Variants in ASXL3 observed in about 807,000 individuals in gnomAD.
ASXL3 encodes the protein ASXL transcriptional regulator 3.
A neutral mutation model predicts 170.6 loss-of-function variants in ASXL3; 34 were observed. That is an observed-to-expected ratio of 0.20 (90% CI 0.15 to 0.27). The LOEUF (loss-of-function observed/expected upper bound fraction) is 0.27, where lower values mean the gene tolerates loss of function less well. Among genes scored for constraint, ASXL3 ranks in the 10% least tolerant of loss-of-function variants. The pLI, the probability that ASXL3 is intolerant of heterozygous loss-of-function variation, is 1.00. For missense variants in ASXL3, 2,592 were observed against 2,695.3 expected, an observed-to-expected ratio of 0.96 and a Z score of 0.85; for synonymous variants, 1,002 against 989.1, an observed-to-expected ratio of 1.01 and a Z score of -0.24.
intron 2 of ASXL3, among the ~76,000 whole-genome samples, chr18:33,619,293 G>A (rs1173957443): frequency 6.6e-6 from 1 of 151,950 alleles, no homozygotes; most frequent in Non-Finnish European, 1.5e-5. Context: ...AGATTCTATC[G>A]AGTAAACACT....
intron 11 of ASXL3, among the ~76,000 whole-genome samples, chr18:33,741,198 A>G (rs1424401698): frequency 1.3e-5 from 2 of 152,176 alleles, no homozygotes; most frequent in Non-Finnish European, 2.9e-5. Flanking sequence ...AATAATATAA[A>G]CTTTCCATAG....
At chr18:33,728,914 G>C (rs746622062) in intron 8 of ASXL3, among the ~76,000 whole-genome samples, 1 of 152,076 alleles carries the variant, frequency 6.6e-6, no homozygotes, top group Non-Finnish European at 1.5e-5. Flanking sequence ...CTAGAGTGGT[G>C]CTTCACAACT....
In ASXL3 at chr18:33,745,070, C is replaced by T. The variant is rs2067753513; in HGVS notation, c.5222C>T (p.Ser1741Phe). 1 of 1,613,884 alleles carries T rather than the reference C, an allele frequency of 6.2e-7. No homozygotes were observed. The highest frequency in any genetic ancestry group is 1.3e-5 in the African/African-American group (1 of 74,926). Reference protein sequence around the residue: ...PGAGSSGCRLSSVEANNPLVT... With the variant: ...PGAGSSGCRLFSVEANNPLVT... ...GCAGGGAGCTCAGGCTGTCGTCTGT[C>T]CTCTGTGGAGGCTAACAATCCGCTG... The change falls in exon 12 of 12, where the codon TCC becomes TTC. Residue 1741 changes from serine (S) to phenylalanine (F), a missense_variant. Transcript: ENST00000269197.
chr18:33,686,473 A>G (rs979385701), intron 8 of ASXL3, among the ~76,000 whole-genome samples: 2 of 152,222 alleles, frequency 1.3e-5, no homozygotes, highest in Non-Finnish European at 2.9e-5. Context: ...ATCTGAATGT[A>G]GTATTGGAGA....
intron 6 of ASXL3, among the ~76,000 whole-genome samples, chr18:33,671,312 G>A (rs1941697): frequency 0.48 from 72,650 of 151,824 alleles, 17,810 homozygotes; most frequent in East Asian, 0.8. Context: ...TATTTATTGT[G>A]GATTAACGTT....
At chr18:33,693,795 T>G (rs1016792253) in intron 8 of ASXL3, among the ~76,000 whole-genome samples, 2 of 152,160 alleles carry the variant, frequency 1.3e-5, no homozygotes, top group African/African-American at 4.8e-5. Context: ...AGTCAGAGAT[T>G]TACAAAGGCT....
chr18:33,745,231 A>G lies in ASXL3; in HGVS notation c.5383A>G (p.Asn1795Asp). The G allele has an allele frequency of 1.9e-6, 3 of 1,614,008 alleles. No individual in the cohort carries two copies. The highest frequency in any genetic ancestry group is 2.5e-6 in the Non-Finnish European group (3 of 1,179,884). Residue 1795 changes from asparagine to aspartate, a missense_variant, in exon 12 of 12, where the codon AAC becomes GAC. Physicochemically the swap from Asn to Asp is conservative, Grantham distance 23 (BLOSUM62 1). Around this residue, in one of 4 missense-constraint regions of ASXL3, gnomAD observed 2,246 missense variants for 2,219.6 expected, o/e 1.01. Coordinates refer to ENST00000269197, the MANE Select transcript of ASXL3 (RefSeq NM_030632.3). ...AGTGGGTAAAACAGCACCAGAGAGA[A>G]ACGTTGAAATTCCGCCCAGCTCTCC... The part of the protein sequence containing the change: ...TSVGKTAPER[N>D]VEIPPSSPNP...
rs1278577171 is a variant in ASXL3 at position 33,578,423 on chromosome 18, C to T, written c.-209C>T. 3 of 100,136 alleles carry T rather than the reference C, an allele frequency of 3.0e-5. No homozygotes were observed. The highest frequency in any genetic ancestry group is 3.8e-5 in the African/African-American group (1 of 26,110). The allele number at this position is 100,136 out of a possible 1,614,324, so 6.2% of individuals were successfully genotyped here. ...CGCCGCCGCCGTCGCGCGCCCCCAC[C>T]CACTCCACCCCACCCCCTCGCTCCA... On this transcript the variant is annotated 5_prime_UTR_variant, in exon 1 of 12. Transcript: ENST00000269197.
intron 1 of ASXL3, among the ~76,000 whole-genome samples, chr18:33,579,997 A>T (rs1240200993): frequency 1.3e-5 from 2 of 152,240 alleles, no homozygotes; most frequent in Non-Finnish European, 2.9e-5. Context: ...TCTGGATTCT[A>T]GCAAAGGGTT....
In ASXL3 at chr18:33,739,680, C is replaced by A. The variant is rs1201376117; in HGVS notation, c.2276C>A (p.Ser759Tyr). Residue 759 changes from serine (S) to tyrosine (Y), a missense_variant, in exon 11 of 12, where the codon TCC (serine) becomes TAC (tyrosine). Ser to Tyr is a moderately radical substitution (Grantham distance 144). Coordinates refer to ENST00000269197, the MANE Select transcript of ASXL3 (RefSeq NM_030632.3). The stretch of plus-strand genomic sequence containing the variant: ...GAAACATCTCCAATTTCCAACTCTT[C>A]CATAAATGAGAGAATGGCACATCAG... The part of the protein sequence containing the change: ...PSETSPISNS[S>Y]INERMAHQQR... 1.2e-6 allele frequency: 2 copies of A among 1,613,932 alleles called. No homozygotes were observed. The highest frequency in any genetic ancestry group is 2.2e-5 in the South Asian group (2 of 91,078).
intron 1 of ASXL3, among the ~76,000 whole-genome samples, chr18:33,603,807 A>G (rs1465114181): frequency 6.6e-6 from 1 of 152,130 alleles, no homozygotes; most frequent in Non-Finnish European, 1.5e-5. Context: ...GAGTGAAGTA[A>G]GATCACAAAT....
rs75995867 is a variant in ASXL3 at position 33,691,363 on chromosome 18, C to G, written c.879+7795C>G. ...CTCTGTGGTGTTGCAGCCCCTAGGC[C>G]ATACCTTTTTAAGTCATCACTTTAC... On this transcript the variant is annotated intron_variant, in intron 8 of 11. Coordinates refer to ENST00000269197, the MANE Select transcript of ASXL3 (RefSeq NM_030632.3). Among the ~76,000 whole-genome samples, 455 of 152,212 alleles carry G rather than the reference C, an allele frequency of 3.0e-3. 3 individuals carry two copies. The highest frequency in any genetic ancestry group is 0.011 in the African/African-American group (440 of 41,528).
At chr18:33,731,876 C>A in intron 8 of ASXL3, 92 bp from the exon 9 acceptor site, 2 of 910,858 alleles carry the variant, frequency 2.2e-6, no homozygotes, top group Non-Finnish European at 3.5e-6. Context: ...ACATACACTG[C>A]CCAACACCAC....
intron 1 of ASXL3, among the ~76,000 whole-genome samples, chr18:33,603,579 T>C (rs2065208761): frequency 6.6e-6 from 1 of 152,024 alleles, no homozygotes. Flanking sequence ...GTATGTTTGC[T>C]AGCTCTGTAC....
intron 1 of ASXL3, among the ~76,000 whole-genome samples, chr18:33,604,534 A>G (rs554482422): frequency 6.6e-6 from 1 of 152,138 alleles, no homozygotes; most frequent in South Asian, 2.1e-4. Context: ...TATTACAGCA[A>G]TTAAAACAGT....
intron 8 of ASXL3, among the ~76,000 whole-genome samples, chr18:33,720,460 T>C (rs1370838890): frequency 1.3e-5 from 2 of 152,072 alleles, no homozygotes; most frequent in East Asian, 3.9e-4. Flanking sequence ...GTTGGGTACA[T>C]TGGAAGTTTT....
intron 1 of ASXL3, among the ~76,000 whole-genome samples, chr18:33,583,386 A>G (rs938132059): frequency 4.6e-5 from 7 of 152,202 alleles, no homozygotes; most frequent in Non-Finnish European, 1.0e-4. Flanking sequence ...TTTAATCACT[A>G]AAATTTCAGT....
intron 7 of ASXL3, among the ~76,000 whole-genome samples, chr18:33,676,388 A>G (rs2066431335): frequency 6.6e-6 from 1 of 151,916 alleles, no homozygotes; most frequent in Non-Finnish European, 1.5e-5. Context: ...ATGTATGAAA[A>G]CTATGATGAT....
At chr18:33,678,841 C>G (rs2066471970) in intron 7 of ASXL3, among the ~76,000 whole-genome samples, 1 of 152,154 alleles carries the variant, frequency 6.6e-6, no homozygotes, top group South Asian at 2.1e-4. Context: ...TAAACATCCT[C>G]TGTGGCAACA....
Sources: gnomAD v4.1 joint callset for allele counts (sites outside exome capture counted in the v4.1 genomes callset) on GRCh38, gnomAD v4.1.1 for gene constraint, gnomAD v4.1.1 regional missense constraint, MANE v1.5 for transcripts, NCBI Gene and HGNC (gene_info 2026-07-23, HGNC 2026-07-21) for gene names.